Variants in MCM6 observed in about 807,000 individuals in gnomAD.
The protein encoded by MCM6 is DNA replication licensing factor MCM6.
MCM6 carries 46 observed loss-of-function variants against 94.3 expected under a neutral mutation model. The ratio of observed to expected loss-of-function variants is 0.49; its 90% CI spans 0.39 to 0.62. MCM6 has a LOEUF of 0.62. Among genes scored for constraint, MCM6 ranks in the 20% least tolerant of loss-of-function variants. The pLI, the probability that MCM6 is intolerant of heterozygous loss-of-function variation, is 0.00. For synonymous variants in MCM6, 335 were observed against 351.9 expected (o/e 0.95, Z 0.54); for missense variants, 865 against 1,017.9 (o/e 0.85, Z 2.04).
chr2:135,864,976 A>G, intron 7 of MCM6, 37 bp downstream of exon 7: 1 of 1,332,964 alleles, frequency 7.5e-7, no homozygotes, highest in South Asian at 2.5e-5. Flanking sequence ...CATTATTTTG[A>G]TTTCAAGTTT....
At chr2:135,863,723 TAACAA>T (rs55711144) in intron 7 of MCM6, among the ~76,000 whole-genome samples, 105,068 of 146,874 alleles carry the variant, frequency 0.72, 38,745 homozygotes, top group Non-Finnish European at 0.82. Flanking sequence ...AGTAAGACCC[TAACAA>T]AACAAAACAA....
chr2:135,842,568 A>T (rs1428814594), intron 16 of MCM6, among the ~76,000 whole-genome samples: 2 of 152,252 alleles, frequency 1.3e-5, no homozygotes, highest in African/African-American at 4.8e-5. Context: ...CTAACCACTT[A>T]AATAAAGAAT....
intron 9 of MCM6, among the ~76,000 whole-genome samples, chr2:135,858,321 T>C (rs1326808763): frequency 6.6e-6 from 1 of 152,106 alleles, no homozygotes; most frequent in South Asian, 2.1e-4. Context: ...ACCCCGTCTC[T>C]ACTGAAAATA....
In MCM6 at chr2:135,876,254, C is replaced by T; in HGVS notation, c.107+5G>A. On this transcript the variant is annotated splice_donor_5th_base_variant and intron_variant, in intron 1 of 16. Coordinates refer to ENST00000264156, the MANE Select transcript of MCM6 (RefSeq NM_005915.6). ...GGGCGAGGCCCGGGGCGCTCGCCGA[C>T]TTACTCCTCCAAGAAGTCCAGGAAC... 6.3e-7 allele frequency: 1 copy of T among 1,595,318 alleles called. No individual in the cohort carries two copies. Among genetic ancestry groups the T allele is most frequent in the African/African-American group, 1.4e-5 (1 of 73,126 alleles).
In MCM6 at chr2:135,857,026, A is replaced by G. The variant is rs1422874122; in HGVS notation, c.1471-143T>C. On this transcript the variant is annotated intron_variant, in intron 10 of 16. Transcript: ENST00000264156. ...CTTTTTCACATAAACAGGAACTCCT[A>G]TGTGATTTTGGTGGTATGATGTGCA... 5.7e-6 allele frequency: 4 copies of G among 706,582 alleles called. No homozygotes were observed. The Admixed American group carries it at 1.3e-4, about 22-fold the overall frequency. The allele number at this position is 706,582 out of a possible 1,614,324, so 43.8% of individuals were successfully genotyped here.
chr2:135,868,700 G>C lies in MCM6; in HGVS notation c.526C>G (p.Gln176Glu). Residue 176 changes from glutamine (Q) to glutamate (E), a missense_variant, in exon 4 of 17, where the codon CAG becomes GAG. By Grantham distance (29) the Gln-to-Glu change is conservative. This residue lies in a region of MCM6 where 404 missense variants were observed against 451.9 expected (regional missense o/e 0.89). Coordinates refer to ENST00000264156, the MANE Select transcript of MCM6 (RefSeq NM_005915.6). ...RDVEQQFKYT[Q>E]PNICRNPVCA... Reference sequence around the variant, plus strand: ...ACTGGATTTCGGCAGATGTTTGGCTGTGTGTATTTGAACTGCTGTTCTACA... The same window carrying C: ...ACTGGATTTCGGCAGATGTTTGGCTCTGTGTATTTGAACTGCTGTTCTACA... 3 of 1,614,164 alleles carry C rather than the reference G, an allele frequency of 1.9e-6. No individual in the cohort carries two copies. Among genetic ancestry groups the C allele is most frequent in the Non-Finnish European group, 2.5e-6 (3 of 1,180,028 alleles).
At chr2:135,859,208 A>T in intron 9 of MCM6, 93 bp downstream of exon 9, 1 of 1,077,578 alleles carries the variant, frequency 9.3e-7, no homozygotes, top group South Asian at 1.6e-5. Context: ...TGCTGTTTTT[A>T]AGGACATCTT....
At chr2:135,846,846 A>G (rs1378640892) in intron 14 of MCM6, among the ~76,000 whole-genome samples, 22 of 152,158 alleles carry the variant, frequency 1.4e-4, no homozygotes, top group Admixed American at 1.3e-3. Context: ...TATACTAAAA[A>G]TACAAAAATT....
At chr2:135,853,308 G>A (rs1303283052) in intron 11 of MCM6, among the ~76,000 whole-genome samples, 1 of 152,170 alleles carries the variant, frequency 6.6e-6, no homozygotes, top group African/African-American at 2.4e-5. Context: ...GCTGGGCATG[G>A]TGGTGCACAT....
intron 10 of MCM6, among the ~76,000 whole-genome samples, chr2:135,857,200 A>C (rs1238107655): frequency 1.3e-5 from 2 of 152,246 alleles, no homozygotes; most frequent in African/African-American, 4.8e-5. Flanking sequence ...TAAAGAATCA[A>C]GCTGTGGTAT....
chr2:135,874,730 A>C (rs4988145), intron 1 of MCM6, among the ~76,000 whole-genome samples: 26,444 of 152,198 alleles, frequency 0.17, 2,615 homozygotes, highest in Middle Eastern at 0.37. Flanking sequence ...CAATTGGTTA[A>C]GTATAATGTA....
chr2:135,875,640 A>AC (rs1680280500), intron 1 of MCM6, among the ~76,000 whole-genome samples: 1 of 152,142 alleles, frequency 6.6e-6, no homozygotes, highest in Non-Finnish European at 1.5e-5. Flanking sequence ...ACAGAAAAAA[A>AC]GAAGAGTAGA....
At chr2:135,842,202 G>A (rs1679585856) in intron 16 of MCM6, among the ~76,000 whole-genome samples, 1 of 152,152 alleles carries the variant, frequency 6.6e-6, no homozygotes, top group African/African-American at 2.4e-5. Flanking sequence ...TTCCTTGCCT[G>A]GGTCGTTTTA....
At chr2:135,854,049 A>G (rs891570837) in intron 11 of MCM6, among the ~76,000 whole-genome samples, 1 of 152,132 alleles carries the variant, frequency 6.6e-6, no homozygotes, top group African/African-American at 2.4e-5. Context: ...CAACACGGCA[A>G]AACTCGGTCT....
chr2:135,863,928 T>C (rs536716889), intron 7 of MCM6, among the ~76,000 whole-genome samples: 9 of 152,218 alleles, frequency 5.9e-5, no homozygotes, highest in African/African-American at 2.2e-4. Context: ...CTGGCCAACA[T>C]GGCGAAACAC....
At chr2:135,845,834 T>G (rs1679660768) in intron 15 of MCM6, among the ~76,000 whole-genome samples, 1 of 152,212 alleles carries the variant, frequency 6.6e-6, no homozygotes. Flanking sequence ...GCAATGGCCT[T>G]TTGATAGTAT....
chr2:135,873,608 CA>C (rs1350144749), intron 1 of MCM6, among the ~76,000 whole-genome samples: 1 of 152,234 alleles, frequency 6.6e-6, no homozygotes, highest in Non-Finnish European at 1.5e-5. Flanking sequence ...CCTCCATATA[CA>C]GCATGTTCTG....
At chr2:135,864,486 CCAA>C (rs1303442108) in intron 7 of MCM6, among the ~76,000 whole-genome samples, 2 of 152,028 alleles carry the variant, frequency 1.3e-5, no homozygotes, top group Non-Finnish European at 2.9e-5. Context: ...TACACACACA[CCAA>C]CAAGGCCAGG....
In MCM6 at chr2:135,876,377, G is replaced by A. The variant is rs1199285944; in HGVS notation, c.-12C>T. On this transcript the variant is annotated 5_prime_UTR_variant, in exon 1 of 17. Transcript: ENST00000264156. ...GCCGCGAGGTCCATATTTGCTTAGT[G>A]CCGAGGATTCGCCTGCGCCACGCTC... 6.3e-7 allele frequency: 1 copy of A among 1,593,940 alleles called. No homozygotes were observed. Among genetic ancestry groups the A allele is most frequent in the Non-Finnish European group, 8.5e-7 (1 of 1,173,462 alleles).
Sources: gnomAD v4.1 joint callset for allele counts (sites outside exome capture counted in the v4.1 genomes callset) on GRCh38, gnomAD v4.1.1 for gene constraint, gnomAD v4.1.1 regional missense constraint, MANE v1.5 for transcripts, NCBI Gene and HGNC (gene_info 2026-07-23, HGNC 2026-07-21) for gene names.